GRIN2A: variants seen among roughly 807,000 people sequenced by gnomAD.
GRIN2A encodes the protein glutamate ionotropic receptor NMDA type subunit 2A.
GRIN2A carries 22 observed loss-of-function variants against 113.4 expected under a neutral mutation model. That is an observed-to-expected ratio of 0.19 (90% CI 0.14 to 0.28). The LOEUF (loss-of-function observed/expected upper bound fraction) is 0.28. Ranked by LOEUF, GRIN2A falls within the 10% of genes least tolerant of loss-of-function variation. The probability of loss-of-function intolerance (pLI) is 1.00; values close to 1 mark genes in which losing one functional copy is unlikely to be tolerated. For missense variants in GRIN2A, 1,502 were observed against 1,887.0 expected, an observed-to-expected ratio of 0.80 and a Z score of 3.78; for synonymous variants, 827 against 738.4, an observed-to-expected ratio of 1.12 and a Z score of -1.94.
At chr16:9,859,083 T>A (rs903312964) in intron 4 of GRIN2A, among the ~76,000 whole-genome samples, 2 of 152,124 alleles carry the variant, frequency 1.3e-5, no homozygotes, top group Non-Finnish European at 2.9e-5. Context: ...CAAAATCAAA[T>A]CCAGACTGCT....
chr16:10,149,230 A>G (rs2049512920), intron 2 of GRIN2A, among the ~76,000 whole-genome samples: 1 of 152,228 alleles, frequency 6.6e-6, no homozygotes, highest in Non-Finnish European at 1.5e-5. Context: ...GTATAATTGG[A>G]TTGTTTGTCA....
At chr16:9,778,026 T>C (rs1901710564) in intron 11 of GRIN2A, among the ~76,000 whole-genome samples, 1 of 152,128 alleles carries the variant, frequency 6.6e-6, no homozygotes, top group African/African-American at 2.4e-5. Flanking sequence ...GATCGCGCCA[T>C]TGCACTCCAG....
At chr16:10,132,331 A>C (rs1370029395) in intron 2 of GRIN2A, among the ~76,000 whole-genome samples, 2 of 146,122 alleles carry the variant, frequency 1.4e-5, no homozygotes, top group African/African-American at 2.5e-5. Flanking sequence ...GCAGAACAAG[A>C]CACCGTCTCA....
intron 2 of GRIN2A, among the ~76,000 whole-genome samples, chr16:9,980,722 G>T (rs571873410): frequency 1.1e-4 from 16 of 151,828 alleles, no homozygotes; most frequent in Admixed American, 1.1e-3. Flanking sequence ...ATCATTCTCA[G>T]CAAATTATCA....
chr16:9,767,156 G>A (rs1016155910), intron 12 of GRIN2A, among the ~76,000 whole-genome samples: 7 of 152,182 alleles, frequency 4.6e-5, no homozygotes, highest in East Asian at 1.9e-4. Context: ...ATGCACGTAC[G>A]TTGTTATTTT....
intron 2 of GRIN2A, among the ~76,000 whole-genome samples, chr16:10,179,236 G>C (rs1567353389): frequency 1.3e-5 from 2 of 152,252 alleles, no homozygotes; most frequent in South Asian, 2.1e-4. Context: ...TTAGTACCAA[G>C]ACCCATCTTT....
chr16:9,903,545 T>C (rs779954306), intron 3 of GRIN2A, among the ~76,000 whole-genome samples: 24 of 152,170 alleles, frequency 1.6e-4, no homozygotes, highest in African/African-American at 2.2e-4. Context: ...GCAAGGACAA[T>C]AAGCCAGGCC....
chr16:9,962,300 G>C (rs2045458144), intron 2 of GRIN2A, among the ~76,000 whole-genome samples: 1 of 152,112 alleles, frequency 6.6e-6, no homozygotes, highest in Admixed American at 6.5e-5. Context: ...CACAGCAAAA[G>C]AAACCACCAT....
At chr16:10,049,463 C>T (rs970099011) in intron 2 of GRIN2A, among the ~76,000 whole-genome samples, 7 of 151,776 alleles carry the variant, frequency 4.6e-5, no homozygotes, top group Admixed American at 6.6e-5. Flanking sequence ...CTGTAACCTC[C>T]GCCTCCCAGG....
chr16:9,974,416 C>T (rs548467383), intron 2 of GRIN2A, among the ~76,000 whole-genome samples: 70 of 152,268 alleles, frequency 4.6e-4, no homozygotes, highest in African/African-American at 1.6e-3. Flanking sequence ...TGTTCTGTTT[C>T]GTTCTGATTA....
At position 9,762,884 on chromosome 16, in the gene GRIN2A, A is replaced by C. The variant is rs1218285325; in HGVS notation, c.*265T>G. 1 of 550,760 alleles carries C rather than the reference A, an allele frequency of 1.8e-6. No individual in the cohort carries two copies. Among genetic ancestry groups the C allele is most frequent in the African/African-American group, 1.9e-5 (1 of 53,276 alleles). 34.1% of individuals were successfully genotyped at this position (550,760 alleles called of 1,614,324 possible). On this transcript the variant is annotated 3_prime_UTR_variant, in exon 13 of 13. Coordinates refer to ENST00000330684, the MANE Select transcript of GRIN2A (RefSeq NM_001134407.3). ...AACATACCCAGTAGGCATGTCCCGGAGACTTGCCCTTATGTAGTTAGTTAT... is the reference window on the plus strand; with the variant it reads ...AACATACCCAGTAGGCATGTCCCGGCGACTTGCCCTTATGTAGTTAGTTAT...
At chr16:10,046,902 G>T (rs779854229) in intron 2 of GRIN2A, among the ~76,000 whole-genome samples, 1 of 152,172 alleles carries the variant, frequency 6.6e-6, no homozygotes, top group Non-Finnish European at 1.5e-5. Flanking sequence ...TATGTTAAGT[G>T]CTGTGTATAT....
At chr16:10,108,193 C>G (rs544766423) in intron 2 of GRIN2A, among the ~76,000 whole-genome samples, 1 of 152,146 alleles carries the variant, frequency 6.6e-6, no homozygotes, top group Non-Finnish European at 1.5e-5. Context: ...CTGGGAAGGC[C>G]TCACAATCAT....
At chr16:9,827,316 G>C (rs1030677659) in intron 9 of GRIN2A, among the ~76,000 whole-genome samples, 1 of 152,164 alleles carries the variant, frequency 6.6e-6, no homozygotes, top group African/African-American at 2.4e-5. Context: ...CGCTTTAGGC[G>C]GGGATCTTAC....
At chr16:10,172,767 C>A (rs888264432) in intron 2 of GRIN2A, among the ~76,000 whole-genome samples, 7 of 152,114 alleles carry the variant, frequency 4.6e-5, no homozygotes, top group African/African-American at 1.7e-4. Flanking sequence ...AAAATGTTGG[C>A]AAAGAATTAG....
intron 11 of GRIN2A, among the ~76,000 whole-genome samples, chr16:9,769,451 C>CTTTTTTTTTTTTTTTTTTTGT (rs1901124756): frequency 9.5e-6 from 1 of 104,888 alleles, no homozygotes; most frequent in Non-Finnish European, 1.9e-5. Context: ...GGAGTTTTGT[C>CTTTTTTTTTTTTTTTTTTTGT]TTTTTTTTTT....
chr16:9,861,854 T>C (rs140110159), intron 4 of GRIN2A, among the ~76,000 whole-genome samples: 1 of 152,244 alleles, frequency 6.6e-6, no homozygotes, highest in Non-Finnish European at 1.5e-5. Context: ...AACTAAGAAC[T>C]GCTTTTCAGA....
intron 3 of GRIN2A, among the ~76,000 whole-genome samples, chr16:9,916,204 C>G (rs539284695): frequency 2.6e-5 from 4 of 152,268 alleles, no homozygotes; most frequent in African/African-American, 9.6e-5. Context: ...GAGTCTAAAA[C>G]ACTATATAAC....
chr16:9,790,120 A>T (rs1241472466), intron 11 of GRIN2A, among the ~76,000 whole-genome samples: 1 of 152,152 alleles, frequency 6.6e-6, no homozygotes, highest in Admixed American at 6.5e-5. Flanking sequence ...GGAGACAGCA[A>T]GGCTCATTCT....
Sources: gnomAD v4.1 joint callset for allele counts (sites outside exome capture counted in the v4.1 genomes callset) on GRCh38, gnomAD v4.1.1 for gene constraint, MANE v1.5 for transcripts, NCBI Gene and HGNC (gene_info 2026-07-23, HGNC 2026-07-21) for gene names.